Variants in CACNA1C observed in about 807,000 individuals in gnomAD.
The protein encoded by CACNA1C is calcium voltage-gated channel subunit alpha1 C.
A neutral mutation model predicts 229.0 loss-of-function variants in CACNA1C; 30 were observed. The observed-to-expected ratio is 0.13, with a 90% CI of 0.10 to 0.18. CACNA1C has a LOEUF of 0.18. CACNA1C is among the 10% of genes least tolerant of loss of function. The probability of loss-of-function intolerance (pLI) is 1.00; values close to 1 mark genes in which losing one functional copy is unlikely to be tolerated. For missense variants in CACNA1C, 1,658 were observed against 2,845.0 expected, an observed-to-expected ratio of 0.58 and a Z score of 9.49; for synonymous variants, 1,114 against 1,132.5, an observed-to-expected ratio of 0.98 and a Z score of 0.33.
At chr12:2,304,462 TGA>T (rs1319749621) in intron 3 of CACNA1C, among the ~76,000 whole-genome samples, 2 of 152,216 alleles carry the variant, frequency 1.3e-5, no homozygotes, top group African/African-American at 4.8e-5. Flanking sequence ...CAGCTTGTTC[TGA>T]GAGCGTGAAA....
intron 1 of CACNA1C, among the ~76,000 whole-genome samples, chr12:2,114,801 C>G (rs2154136051): frequency 6.6e-6 from 1 of 152,348 alleles, no homozygotes; most frequent in South Asian, 2.1e-4. Flanking sequence ...GTATCTTATG[C>G]TCATTTTCCT....
chr12:2,045,271 A>T (rs1214110012), intron 1 of CACNA1C, among the ~76,000 whole-genome samples: 1 of 152,232 alleles, frequency 6.6e-6, no homozygotes, highest in Non-Finnish European at 1.5e-5. Context: ...GAAGGTTCTG[A>T]AAGCCCTACT....
At chr12:2,626,676 T>G (rs2086795364) in intron 29 of CACNA1C, among the ~76,000 whole-genome samples, 1 of 152,074 alleles carries the variant, frequency 6.6e-6, no homozygotes, top group Non-Finnish European at 1.5e-5. Flanking sequence ...GCATGAGTAG[T>G]GTGAAGCAGC....
intron 3 of CACNA1C, among the ~76,000 whole-genome samples, chr12:2,127,807 G>T (rs979264908): frequency 6.6e-6 from 1 of 152,180 alleles, no homozygotes; most frequent in Non-Finnish European, 1.5e-5. Context: ...GAACTGTGTG[G>T]CCTTAGGTCA....
intron 2 of CACNA1C, among the ~76,000 whole-genome samples, chr12:2,118,597 A>G (rs111905643): frequency 0.013 from 1,954 of 152,284 alleles, 50 homozygotes; most frequent in African/African-American, 0.044. Flanking sequence ...GGGGATCACA[A>G]GCGTACATTC....
At chr12:2,076,538 C>T (rs1340512517) in intron 1 of CACNA1C, among the ~76,000 whole-genome samples, 1 of 151,896 alleles carries the variant, frequency 6.6e-6, no homozygotes. Context: ...TTCACTTTTC[C>T]CCCTCCTTTC....
intron 1 of CACNA1C, among the ~76,000 whole-genome samples, chr12:2,073,180 C>A (rs1223981629): frequency 6.6e-6 from 1 of 152,182 alleles, no homozygotes; most frequent in African/African-American, 2.4e-5. Context: ...CTGGCTCCAT[C>A]AAGGACCAAG....
chr12:2,191,984 G>A (rs371302291), intron 3 of CACNA1C, among the ~76,000 whole-genome samples: 288 of 150,934 alleles, frequency 1.9e-3, no homozygotes, highest in Non-Finnish European at 3.1e-3. Flanking sequence ...ACGTGTACAC[G>A]CACGCACACA....
intron 3 of CACNA1C, among the ~76,000 whole-genome samples, chr12:2,242,700 G>A (rs1052601811): frequency 1.8e-4 from 27 of 152,298 alleles, no homozygotes; most frequent in African/African-American, 6.5e-4. Context: ...CAGACCTCTG[G>A]CCAAAGAACC....
rs2096918734 is a variant in CACNA1C, at chr12:2,678,180, C to T, written c.5091+313C>T. ...CATTAGAAGTTGCAGAGTGGTCACC[C>T]CTGGGGCACATCTAATCTGCAGGCT... On this transcript the variant is annotated intron_variant, in intron 41 of 46. Transcript: ENST00000399655. This position sits in a 1 kb window ranked among gnomAD's most constrained non-coding sequence, Gnocchi z 4.1. 6.6e-6 allele frequency among the ~76,000 whole-genome samples: 1 copy of T among 152,158 alleles called. No individual in the cohort carries two copies. The highest frequency in any genetic ancestry group is 2.1e-4 in the South Asian group (1 of 4,832).
At chr12:1,973,509 G>A (rs2033216626) in intron 1 of CACNA1C, among the ~76,000 whole-genome samples, 1 of 152,158 alleles carries the variant, frequency 6.6e-6, no homozygotes, top group African/African-American at 2.4e-5. Context: ...GTAAAAGACA[G>A]ATTTAATCTT....
intron 9 of CACNA1C, among the ~76,000 whole-genome samples, chr12:2,524,779 GAC>G (rs1047831361): frequency 8.5e-5 from 13 of 152,180 alleles, no homozygotes; most frequent in African/African-American, 3.1e-4. Context: ...CATTGCTCGC[GAC>G]ACACCATCGG....
At chr12:2,392,057 A>T (rs189777504) in intron 3 of CACNA1C, among the ~76,000 whole-genome samples, 41 of 152,342 alleles carry the variant, frequency 2.7e-4, no homozygotes, top group African/African-American at 9.9e-4. Context: ...AGAGTATATA[A>T]GCCCAATCTG....
intron 10 of CACNA1C, among the ~76,000 whole-genome samples, chr12:2,551,918 C>T (rs930035571): frequency 1.3e-4 from 20 of 152,130 alleles, no homozygotes; most frequent in Middle Eastern, 3.4e-3. Context: ...ATGGAGACCA[C>T]GAGATACGGA....
chr12:2,052,910 CGGCGCGGGCAGGGGCG>C (rs1211503921), upstream of CACNA1C: 53 of 881,964 alleles, frequency 6.0e-5, no homozygotes, highest in Non-Finnish European at 7.2e-5. Context: ...GGCGGGCGGG[CGGCGCGGGCAGGGGCG>C]GGCGCGGGCG....
At position 1,971,253 on chromosome 12, in the gene CACNA1C, C is replaced by G; in HGVS notation, c.139+52C>G. On this transcript the variant is annotated intron_variant, in intron 1 of 46. Transcript: ENST00000682462. This position sits in a 1 kb window ranked among gnomAD's most constrained non-coding sequence, Gnocchi z 4.2. ...AGTAGGAAGAACATGTTGAAATTTACTCTAAATATCCTAATGATACCTAGA... is the reference window on the plus strand; with the variant it reads ...AGTAGGAAGAACATGTTGAAATTTAGTCTAAATATCCTAATGATACCTAGA... 2.0e-6 allele frequency: 2 copies of G among 989,764 alleles called. No individual in the cohort carries two copies. The highest frequency in any genetic ancestry group is 2.6e-4 in the Middle Eastern group (1 of 3,816). 61.3% of individuals were successfully genotyped at this position (989,764 alleles called of 1,614,324 possible).
intron 11 of CACNA1C, among the ~76,000 whole-genome samples, chr12:2,563,208 A>G (rs11062279): frequency 0.2 from 31,139 of 152,140 alleles, 3,594 homozygotes; most frequent in African/African-American, 0.31. Flanking sequence ...AAATGACAGA[A>G]TTTCATTCTT....
rs769877763 is a variant in CACNA1C at position 2,608,491 on chromosome 12, G to A, written c.3357-20G>A. ...CCCTGCTTCTCCAGTTCCCTCTGTG[G>A]GACCTGTCTCCTCCTGCAGGCTGCT... On this transcript the variant is annotated intron_variant, in intron 26 of 46. Coordinates refer to ENST00000399655, the MANE Select transcript of CACNA1C (RefSeq NM_000719.7). The surrounding 1 kb of genome is among the most constrained non-coding windows in gnomAD (Gnocchi z 4.2). The A allele has an allele frequency of 1.0e-5, 16 of 1,585,102 alleles. No homozygotes were observed. In the Middle Eastern group the frequency reaches 2.5e-3, roughly 249 times the overall value.
intron 1 of CACNA1C, among the ~76,000 whole-genome samples, chr12:2,088,680 A>G (rs1189073448): frequency 6.6e-6 from 1 of 152,160 alleles, no homozygotes; most frequent in Non-Finnish European, 1.5e-5. Context: ...CTTGCTGACG[A>G]AACAACCTCC....
Sources: gnomAD v4.1 joint callset for allele counts (sites outside exome capture counted in the v4.1 genomes callset) on GRCh38, gnomAD v4.1.1 for gene constraint, Gnocchi (gnomAD v3.1) non-coding constraint, MANE v1.5 for transcripts, NCBI Gene and HGNC (gene_info 2026-07-23, HGNC 2026-07-21) for gene names.